PDE1C: variants seen among roughly 807,000 people sequenced by gnomAD.
PDE1C encodes the protein phosphodiesterase 1C.
A neutral mutation model predicts 93.1 loss-of-function variants in PDE1C; 62 were observed. The ratio of observed to expected loss-of-function variants is 0.67; its 90% CI spans 0.54 to 0.82. PDE1C has a LOEUF of 0.82. Ranked by LOEUF, PDE1C falls within the 40% of genes least tolerant of loss-of-function variation. The probability of loss-of-function intolerance (pLI) is 0.00; values close to 1 mark genes in which losing one functional copy is unlikely to be tolerated. For missense variants in PDE1C, 742 were observed against 884.6 expected, an observed-to-expected ratio of 0.84 and a Z score of 2.04; for synonymous variants, 325 against 310.1, an observed-to-expected ratio of 1.05 and a Z score of -0.50.
intron 1 of PDE1C, among the ~76,000 whole-genome samples, chr7:32,353,778 G>C (rs1783978137): frequency 6.6e-6 from 1 of 151,938 alleles, no homozygotes; most frequent in South Asian, 2.1e-4. Flanking sequence ...TATAGAAGAA[G>C]GTATTTTTCT....
At chr7:31,667,546 C>A in the PDE1C span, among the ~76,000 whole-genome samples, 1 of 151,940 alleles carries the variant, frequency 6.6e-6, no homozygotes, top group African/African-American at 2.4e-5. Context: ...GGGGTAGGGT[C>A]ACAACAGGCA....
chr7:32,270,784 G>C (rs1810904408), intron 1 of PDE1C, among the ~76,000 whole-genome samples: 1 of 152,106 alleles, frequency 6.6e-6, no homozygotes, highest in Admixed American at 6.6e-5. Context: ...TTGCCATTTA[G>C]CAGCTTAACC....
intron 1 of PDE1C, chr7:32,052,249 C>G (rs933120842): frequency 4.3e-6 from 2 of 463,758 alleles, no homozygotes; most frequent in African/African-American, 3.9e-5. Context: ...AGAAGAGACC[C>G]AGTTCCAGCC....
At position 31,953,744 on chromosome 7, in the gene PDE1C, C is replaced by T. The variant is rs1227816965; in HGVS notation, c.129-72884G>A. On this transcript the variant is annotated intron_variant, in intron 2 of 17. Transcript: ENST00000396191. Reference sequence around the variant, plus strand: ...TGGCAAGCCTCTGTTTTGAGATCCACATTAACTCAAGGCCTGTTCCATGGT... The same window carrying T: ...TGGCAAGCCTCTGTTTTGAGATCCATATTAACTCAAGGCCTGTTCCATGGT... Among the ~76,000 whole-genome samples the T allele has an allele frequency of 2.0e-5, 3 of 151,986 alleles. No homozygotes were observed. The East Asian group carries it at 5.8e-4, about 29-fold the overall frequency.
chr7:32,285,034 A>G (rs1811911049), intron 1 of PDE1C, among the ~76,000 whole-genome samples: 2 of 152,028 alleles, frequency 1.3e-5, no homozygotes, highest in Admixed American at 1.3e-4. Context: ...TGTCTCAAAA[A>G]AAAAAAAAAG....
chr7:31,680,433 C>T, the PDE1C span, among the ~76,000 whole-genome samples: 2 of 152,142 alleles, frequency 1.3e-5, no homozygotes, highest in South Asian at 2.1e-4. Flanking sequence ...AATACTGACT[C>T]GGAGAAGAGG....
At chr7:31,870,258 G>A (rs1045596800) in intron 6 of PDE1C, among the ~76,000 whole-genome samples, 5 of 151,664 alleles carry the variant, frequency 3.3e-5, no homozygotes, top group Admixed American at 1.3e-4. Flanking sequence ...GATCAGAGCA[G>A]AATTAAATGA....
intron 1 of PDE1C, chr7:32,298,621 A>T (rs371269516): frequency 6.5e-4 from 1,023 of 1,579,622 alleles, no homozygotes; most frequent in Non-Finnish European, 8.1e-4. Flanking sequence ...TGCCCGAGCC[A>T]GGAGTCCGAG....
intron 2 of PDE1C, among the ~76,000 whole-genome samples, chr7:31,896,280 T>C (rs1292757521): frequency 6.6e-6 from 1 of 151,976 alleles, no homozygotes; most frequent in African/African-American, 2.4e-5. Context: ...GGGAGGAATA[T>C]AGGGGTAGAA....
the PDE1C span, among the ~76,000 whole-genome samples, chr7:31,671,841 C>A: frequency 1.8e-4 from 27 of 152,262 alleles, no homozygotes; most frequent in East Asian, 5.2e-3. Context: ...AATAGAACAC[C>A]GGAACCAGGG....
the PDE1C span, chr7:31,652,739 G>A: frequency 6.2e-6 from 10 of 1,613,830 alleles, no homozygotes; most frequent in South Asian, 9.9e-5. Flanking sequence ...GCACCAGGAT[G>A]TCTCCTTCAT....
chr7:31,945,062 G>C (rs1806422477), intron 2 of PDE1C, among the ~76,000 whole-genome samples: 1 of 151,802 alleles, frequency 6.6e-6, no homozygotes, highest in South Asian at 2.1e-4. Context: ...AAATTTTCGT[G>C]GTGTCCCTAG....
At chr7:32,144,065 G>T (rs1006762) in intron 3 of PDE1C, among the ~76,000 whole-genome samples, 11 of 151,826 alleles carry the variant, frequency 7.2e-5, no homozygotes, top group South Asian at 2.1e-4. Context: ...CAAGCATAAA[G>T]GGCTTGCCAT....
At chr7:31,873,513 A>C in intron 5 of PDE1C, 105 bp from the exon 6 acceptor site, 1 of 692,548 alleles carries the variant, frequency 1.4e-6, no homozygotes, top group Middle Eastern at 2.5e-4. Context: ...TGGAGATTTC[A>C]CAGTGTGACA....
intron 2 of PDE1C, among the ~76,000 whole-genome samples, chr7:31,924,293 TAAC>T (rs1188662532): frequency 3.9e-5 from 6 of 152,308 alleles, no homozygotes; most frequent in African/African-American, 1.4e-4. Context: ...TTTGTTGACT[TAAC>T]AAATTAAATA....
chr7:32,039,708 T>C (rs1464445585), intron 2 of PDE1C, among the ~76,000 whole-genome samples: 1 of 152,224 alleles, frequency 6.6e-6, no homozygotes, highest in Non-Finnish European at 1.5e-5. Context: ...TTCCCATTTA[T>C]ATTGTGATTT....
the PDE1C span, among the ~76,000 whole-genome samples, chr7:31,647,867 T>C: frequency 2.6e-5 from 4 of 152,146 alleles, no homozygotes; most frequent in Non-Finnish European, 4.4e-5. Context: ...GACTAATTGA[T>C]AAATGCCATT....
intron 1 of PDE1C, among the ~76,000 whole-genome samples, chr7:32,420,983 A>C (rs1427268359): frequency 6.6e-6 from 1 of 152,122 alleles, no homozygotes; most frequent in Non-Finnish European, 1.5e-5. Flanking sequence ...CTCTCAGTCT[A>C]TCCATGAGCA....
chr7:31,775,784 T>A, intron 16 of PDE1C, 52 bp from the exon 17 acceptor site: 1 of 1,436,948 alleles, frequency 7.0e-7, no homozygotes, highest in Non-Finnish European at 9.8e-7. Context: ...GAAAAACCTG[T>A]TGGACAAGTA....
Sources: allele counts gnomAD v4.1 joint callset (sites outside exome capture counted in the v4.1 genomes callset), GRCh38; gene constraint gnomAD v4.1.1; transcripts MANE v1.5; gene names NCBI Gene and HGNC (gene_info 2026-07-23, HGNC 2026-07-21).